SEMA6D: variants seen among roughly 807,000 people sequenced by gnomAD.
The protein encoded by SEMA6D is semaphorin 6D.
A neutral mutation model predicts 106.6 loss-of-function variants in SEMA6D; 35 were observed. That is an observed-to-expected ratio of 0.33 (90% CI 0.25 to 0.44). SEMA6D has a LOEUF of 0.44. Ranked by LOEUF, SEMA6D falls within the 20% of genes least tolerant of loss-of-function variation. SEMA6D has a pLI of 1.00. For synonymous variants in SEMA6D, 499 were observed against 487.7 expected (o/e 1.02, Z -0.31); for missense variants, 1,185 against 1,345.9 (o/e 0.88, Z 1.87).
chr15:47,562,563 TA>T (rs2046111801), intron 3 of SEMA6D, among the ~76,000 whole-genome samples: 2 of 152,146 alleles, frequency 1.3e-5, no homozygotes, highest in South Asian at 4.1e-4. Flanking sequence ...ACATCATACC[TA>T]AAAAGACATC....
chr15:47,552,003 T>C (rs1458362547), intron 3 of SEMA6D, among the ~76,000 whole-genome samples: 1 of 151,766 alleles, frequency 6.6e-6, no homozygotes, highest in African/African-American at 2.4e-5. Context: ...GTAATCCCAC[T>C]TGTGGGCTTG....
At chr15:47,721,635 A>G (rs74467985) in intron 1 of SEMA6D, among the ~76,000 whole-genome samples, 1,616 of 152,300 alleles carry the variant, frequency 0.011, 33 homozygotes, top group African/African-American at 0.037. Context: ...TGCCACTGAT[A>G]ATTGAAGCTG....
chr15:47,628,861 T>G (rs1037018381), intron 4 of SEMA6D, among the ~76,000 whole-genome samples: 2 of 152,106 alleles, frequency 1.3e-5, no homozygotes, highest in African/African-American at 2.4e-5. Flanking sequence ...TTATAAGGGT[T>G]GTAGTTTCAC....
intron 2 of SEMA6D, among the ~76,000 whole-genome samples, chr15:47,426,707 C>T (rs1190076768): frequency 1.3e-5 from 2 of 152,156 alleles, no homozygotes; most frequent in Admixed American, 1.3e-4. Context: ...AACTCTTTCT[C>T]TCACACACAT....
intron 2 of SEMA6D, among the ~76,000 whole-genome samples, chr15:47,456,509 A>G (rs528386508): frequency 3.5e-4 from 53 of 152,148 alleles, no homozygotes; most frequent in African/African-American, 1.2e-3. Flanking sequence ...TGCCGCTAGA[A>G]TTTCTTTCAA....
intron 1 of SEMA6D, among the ~76,000 whole-genome samples, chr15:47,187,596 C>A (rs1893666977): frequency 6.6e-6 from 1 of 152,038 alleles, no homozygotes; most frequent in Non-Finnish European, 1.5e-5. Context: ...TTCTCAGGAC[C>A]CCCAAATAGA....
intron 2 of SEMA6D, among the ~76,000 whole-genome samples, chr15:47,417,445 G>GTGTC (rs1323820232): frequency 6.8e-6 from 1 of 146,960 alleles, no homozygotes; most frequent in East Asian, 2.0e-4. Context: ...GTGTGTGTCA[G>GTGTC]AGAGAGAGAG....
intron 4 of SEMA6D, among the ~76,000 whole-genome samples, chr15:47,662,620 T>C (rs1222978117): frequency 6.6e-6 from 1 of 152,178 alleles, no homozygotes; most frequent in Non-Finnish European, 1.5e-5. Flanking sequence ...TCTCCACGTA[T>C]ACATATTTAC....
At chr15:47,641,943 G>T (rs770600118) in intron 4 of SEMA6D, among the ~76,000 whole-genome samples, 1 of 152,150 alleles carries the variant, frequency 6.6e-6, no homozygotes, top group Admixed American at 6.5e-5. Flanking sequence ...TGTGTGTACT[G>T]TGCTTCACTT....
intron 1 of SEMA6D, among the ~76,000 whole-genome samples, chr15:47,227,857 TTATATATTTTATATATATAAGAATCA>T (rs1566938260): frequency 1.0e-4 from 11 of 107,478 alleles, no homozygotes; most frequent in Admixed American, 1.9e-4. Context: ...AGTCCATACA[TTATATATTTTATATATATAAGAATCA>T]TATATATTTT....
At chr15:47,216,351 C>T (rs536945742) in intron 1 of SEMA6D, among the ~76,000 whole-genome samples, 43 of 152,192 alleles carry the variant, frequency 2.8e-4, no homozygotes, top group Admixed American at 5.2e-4. Flanking sequence ...AACAAACATA[C>T]GCACAAGCAT....
At chr15:47,479,312 C>T (rs868077151) in intron 3 of SEMA6D, among the ~76,000 whole-genome samples, 2 of 152,074 alleles carry the variant, frequency 1.3e-5, no homozygotes, top group South Asian at 2.1e-4. Flanking sequence ...AGGAGCCTCC[C>T]TAATTGCCCA....
In SEMA6D at chr15:47,711,305, G is replaced by A. The variant is rs1177284128; in HGVS notation, c.-54-48440G>A. ...AGCCTGGGCGACAGAGCGAGACTCC[G>A]TCTCAAAAAAAAAAAAAAAAAAAAA... On this transcript the variant is annotated intron_variant, in intron 4 of 19. Coordinates refer to the SEMA6D transcript ENST00000558014. 1.4e-4 allele frequency among the ~76,000 whole-genome samples: 6 copies of A among 42,856 alleles called. No individual in the cohort carries two copies. In the Admixed American group the frequency reaches 2.4e-3, roughly 17 times the overall value. 28.1% of individuals were successfully genotyped at this position (42,856 alleles called of 152,430 possible). A position where few individuals can be genotyped will look rare whatever the true frequency, so the allele number is the denominator to read the frequency against.
At chr15:47,496,856 C>T (rs1596155092) in intron 3 of SEMA6D, among the ~76,000 whole-genome samples, 1 of 152,032 alleles carries the variant, frequency 6.6e-6, no homozygotes, top group Admixed American at 6.6e-5. Flanking sequence ...GATGCATTGA[C>T]GTCTGAGCCA....
chr15:47,584,027 C>A (rs866100459), intron 3 of SEMA6D, among the ~76,000 whole-genome samples: 6 of 152,222 alleles, frequency 3.9e-5, no homozygotes, highest in African/African-American at 1.4e-4. Context: ...TTCATTATCA[C>A]CTGCCCTTGC....
intron 1 of SEMA6D, among the ~76,000 whole-genome samples, chr15:47,309,948 G>A (rs555111535): frequency 6.6e-6 from 1 of 152,288 alleles, no homozygotes; most frequent in East Asian, 1.9e-4. Context: ...GTTGGGGACT[G>A]TCTGGATATC....
At chr15:47,641,362 A>ATTTGCTGTTC (rs2144731229) in intron 4 of SEMA6D, among the ~76,000 whole-genome samples, 1 of 152,200 alleles carries the variant, frequency 6.6e-6, no homozygotes, top group Non-Finnish European at 1.5e-5. Flanking sequence ...GGGGCCTGTT[A>ATTTGCTGTTC]TTTGCTGTTC....
chr15:47,313,055 G>A (rs1231372882), intron 1 of SEMA6D, among the ~76,000 whole-genome samples: 1 of 151,978 alleles, frequency 6.6e-6, no homozygotes, highest in African/African-American at 2.4e-5. Context: ...CACATGCATA[G>A]CCTCCCCCAT....
chr15:47,184,439 C>G (rs1275127711), intron 1 of SEMA6D: 1 of 152,298 alleles, frequency 6.6e-6, no homozygotes, highest in Admixed American at 6.5e-5. Flanking sequence ...CCTTTTCTCT[C>G]CATTTCTCCT....
Sources: allele counts gnomAD v4.1 joint callset (sites outside exome capture counted in the v4.1 genomes callset), GRCh38; gene constraint gnomAD v4.1.1; transcripts MANE v1.5; gene names NCBI Gene and HGNC (gene_info 2026-07-23, HGNC 2026-07-21).